PDK2: variants seen among roughly 807,000 people sequenced by gnomAD.
PDK2 encodes the protein pyruvate dehydrogenase kinase 2, also known as pyruvate dehydrogenase kinase, isozyme 2.
Under a neutral mutation model 50.4 loss-of-function variants are expected in PDK2, and 34 were observed. The ratio of observed to expected loss-of-function variants is 0.68; its 90% CI spans 0.51 to 0.90. The LOEUF (loss-of-function observed/expected upper bound fraction) is 0.90. Among genes scored for constraint, PDK2 ranks in the 40% least tolerant of loss-of-function variants. PDK2 has a pLI of 0.00. For missense variants in PDK2, 377 were observed against 544.5 expected (o/e 0.69, Z 3.06); for synonymous variants, 232 against 216.0 (o/e 1.07, Z -0.65).
chr17:50,105,891 T>C lies in PDK2; in HGVS notation c.339T>C (p.Thr113=). Residue 113 remains threonine (T), a synonymous_variant, in exon 4 of 11, where the codon ACT becomes ACC. Transcript: ENST00000503176. ...PEDHRTLSQF[T]DALVTIRNRH... The stretch of plus-strand genomic sequence containing the variant: ...CATCTGCCCTGCCCCACAGGTTCAC[T>C]GACGCCCTGGTCACCATCCGGAACC... The C allele has an allele frequency of 6.2e-7, 1 of 1,613,330 alleles. No homozygotes were observed. Among genetic ancestry groups the C allele is most frequent in the Non-Finnish European group, 8.5e-7 (1 of 1,179,660 alleles).
At chr17:50,107,765 G>C (rs1910592030) in intron 6 of PDK2, among the ~76,000 whole-genome samples, 1 of 152,244 alleles carries the variant, frequency 6.6e-6, no homozygotes, top group Middle Eastern at 3.4e-3. Flanking sequence ...AAATAAAATG[G>C]GGTAACTCAA....
At position 50,095,360 on chromosome 17, in the gene PDK2, A is replaced by T; in HGVS notation, c.-76A>T. On this transcript the variant is annotated 5_prime_UTR_variant, in exon 1 of 11. Transcript: ENST00000503176. ...GCAAGGGTAGGGAGGAGGCGGCCGA[A>T]CCGCGTCGCTGGGCCGAAAGGTGCG... 9.2e-7 allele frequency: 1 copy of T among 1,086,260 alleles called. No homozygotes were observed. Among genetic ancestry groups the T allele is most frequent in the Non-Finnish European group, 1.3e-6 (1 of 744,034 alleles). The allele number at this position is 1,086,260 out of a possible 1,614,324, so 67.3% of individuals were successfully genotyped here.
rs775020449 is a variant in PDK2, at chr17:50,105,327, A to T, written c.261-44A>T. On this transcript the variant is annotated intron_variant, in intron 2 of 10. Coordinates refer to ENST00000503176, the MANE Select transcript of PDK2 (RefSeq NM_002611.5). ...TGAATGAAGTGGGTGAGGAGGGGCT[A>T]GCCACCTGAAGCTGAGGCTGTGTCC... 5 of 1,473,812 alleles carry T rather than the reference A, an allele frequency of 3.4e-6. No homozygotes were observed. In the African/African-American group the frequency reaches 7.0e-5, roughly 21 times the overall value. The allele number at this position is 1,473,812 out of a possible 1,614,324, so 91.3% of individuals were successfully genotyped here.
At chr17:50,105,242 C>T (rs1445502129) in intron 2 of PDK2, 129 bp from the exon 3 acceptor site, 6 of 510,976 alleles carry the variant, frequency 1.2e-5, no homozygotes, top group East Asian at 6.9e-5. Flanking sequence ...AATAGTGAGG[C>T]GGCTTGTCGG....
At chr17:50,107,231 G>A in intron 6 of PDK2, 78 bp downstream of exon 6, 1 of 1,047,990 alleles carries the variant, frequency 9.5e-7, no homozygotes. Flanking sequence ...GGAGTCAGGA[G>A]ATGGACTGTT....
chr17:50,109,848 AGGCCCCCGTGTCT>A lies in PDK2; in HGVS notation c.1084-105_1084-93del. 8.0e-7 allele frequency: 1 copy of A among 1,253,622 alleles called. No homozygotes were observed. 77.7% of individuals were successfully genotyped at this position (1,253,622 alleles called of 1,614,324 possible). On this transcript the variant is annotated intron_variant, in intron 10 of 10. Coordinates refer to ENST00000503176, the MANE Select transcript of PDK2 (RefSeq NM_002611.5). This position sits in a 1 kb window ranked among gnomAD's most constrained non-coding sequence, Gnocchi z 5.0. The stretch of plus-strand genomic sequence containing the variant: ...GGGACCACCCTTTTGTGGTCTTTCC[AGGCCCCCGTGTCT>A]GGCAGCTGGGCTGCCGCTGAGCTGG...
At chr17:50,095,733 G>A in intron 1 of PDK2, 180 bp downstream of exon 1, 1 of 1,422,796 alleles carries the variant, frequency 7.0e-7, no homozygotes, top group Non-Finnish European at 9.2e-7. Context: ...CTCTCGACGG[G>A]GCTGCTGATG....
intron 2 of PDK2, among the ~76,000 whole-genome samples, chr17:50,102,843 C>A (rs1910306846): frequency 6.6e-6 from 1 of 152,132 alleles, no homozygotes; most frequent in African/African-American, 2.4e-5. Flanking sequence ...GTAAATGCCA[C>A]CATCACCATC....
chr17:50,097,983 C>A (rs1910034922), intron 2 of PDK2, among the ~76,000 whole-genome samples: 1 of 152,150 alleles, frequency 6.6e-6, no homozygotes. Flanking sequence ...CATTATATAA[C>A]CCAAGCTGCA....
intron 3 of PDK2, among the ~76,000 whole-genome samples, 163 bp downstream of exon 3, chr17:50,105,605 G>A (rs1910465032): frequency 6.6e-6 from 1 of 152,190 alleles, no homozygotes; most frequent in Admixed American, 6.5e-5. Flanking sequence ...GGAGCCCCAA[G>A]TTTGATGGGA....
rs754637046 is a variant in PDK2, at chr17:50,109,282, T to G, written c.970-5T>G. On this transcript the variant is annotated splice_polypyrimidine_tract_variant and splice_region_variant and intron_variant, in intron 9 of 10. Coordinates refer to ENST00000503176, the MANE Select transcript of PDK2 (RefSeq NM_002611.5). The surrounding 1 kb of genome is among the most constrained non-coding windows in gnomAD (Gnocchi z 5.0). ...CATCCTCACTGCCTTCCTGCCCCGCTGCAGGCTGGCTTTGGTTATGGGCTC... is the reference window on the plus strand; with the variant it reads ...CATCCTCACTGCCTTCCTGCCCCGCGGCAGGCTGGCTTTGGTTATGGGCTC... 17 of 1,604,562 alleles carry G rather than the reference T, an allele frequency of 1.1e-5. No homozygotes were observed. The East Asian group carries it at 2.9e-4, about 27-fold the overall frequency.
At chr17:50,104,902 C>T (rs1270938728) in intron 2 of PDK2, among the ~76,000 whole-genome samples, 2 of 152,216 alleles carry the variant, frequency 1.3e-5, no homozygotes, top group Non-Finnish European at 2.9e-5. Context: ...CTGTGCTGGC[C>T]CTTCTGCCAT....
chr17:50,095,683 G>A, intron 1 of PDK2, 130 bp downstream of exon 1: 1 of 1,460,792 alleles, frequency 6.8e-7, no homozygotes, highest in South Asian at 1.4e-5. Flanking sequence ...AAAGGTACAG[G>A]CAGGAAAGAG....
At chr17:50,102,474 G>C (rs955565617) in intron 2 of PDK2, among the ~76,000 whole-genome samples, 2 of 152,188 alleles carry the variant, frequency 1.3e-5, no homozygotes, top group South Asian at 4.2e-4. Flanking sequence ...GCACAGTCAG[G>C]AAGTGGCTTA....
chr17:50,096,463 C>T (rs1909953532), intron 1 of PDK2, among the ~76,000 whole-genome samples: 1 of 152,154 alleles, frequency 6.6e-6, no homozygotes, highest in Non-Finnish European at 1.5e-5. Context: ...GTTGATAGTG[C>T]CTAGCTTGGG....
Position 50,095,538 on chromosome 17 carries a change from C to T in PDK2, c.103C>T (p.Gln35Ter). Residue 35 changes from glutamine to a stop codon, truncating the protein, a stop_gained, in exon 1 of 11, where the codon CAG (glutamine) becomes TAG (stop). Coordinates refer to ENST00000503176, the MANE Select transcript of PDK2 (RefSeq NM_002611.5). LOFTEE classifies it high-confidence loss of function. ...KFSPSPLSMKQFLDFGSSNAC... is the reference protein window; with the variant it reads ...KFSPSPLSMK Reference sequence around the variant, plus strand: ...CTCCCCGTCCCCGCTGTCCATGAAGCAGTTTCTGGACTTCGGTACGGAGTG... The same window carrying T: ...CTCCCCGTCCCCGCTGTCCATGAAGTAGTTTCTGGACTTCGGTACGGAGTG... The T allele has an allele frequency of 6.2e-7, 1 of 1,605,478 alleles. No individual in the cohort carries two copies. The highest frequency in any genetic ancestry group is 8.5e-7 in the Non-Finnish European group (1 of 1,175,890).
chr17:50,104,943 G>A (rs1188561787), intron 2 of PDK2, among the ~76,000 whole-genome samples: 1 of 152,172 alleles, frequency 6.6e-6, no homozygotes, highest in African/African-American at 2.4e-5. Flanking sequence ...ACACCCCGGC[G>A]GGGAGAAACA....
intron 6 of PDK2, 67 bp downstream of exon 6, chr17:50,107,220 G>A (rs1910563738): frequency 1.6e-6 from 2 of 1,215,424 alleles, no homozygotes; most frequent in East Asian, 2.3e-5. Flanking sequence ...AGGTGAGACG[G>A]GGAGTCAGGA....
In PDK2 at chr17:50,109,035, C is replaced by T. The variant is rs575918018; in HGVS notation, c.970-252C>T. On this transcript the variant is annotated intron_variant, in intron 9 of 10. Transcript: ENST00000503176. The surrounding 1 kb of genome is among the most constrained non-coding windows in gnomAD (Gnocchi z 5.0). The stretch of plus-strand genomic sequence containing the variant: ...CTTGAGACTCAAAGGAGCCGTGGGG[C>T]CTGCTCTGACTTCCTGGCCCCTGAG... 6.6e-6 allele frequency among the ~76,000 whole-genome samples: 1 copy of T among 152,262 alleles called. No homozygotes were observed. The highest frequency in any genetic ancestry group is 6.5e-5 in the Admixed American group (1 of 15,298).
Sources: allele counts gnomAD v4.1 joint callset (sites outside exome capture counted in the v4.1 genomes callset), GRCh38; gene constraint gnomAD v4.1.1; non-coding constraint Gnocchi (gnomAD v3.1); transcripts MANE v1.5; gene names NCBI Gene and HGNC (gene_info 2026-07-23, HGNC 2026-07-21).